The following CDH18 variants were observed in gnomAD, a reference collection of about 807,000 sequenced individuals.
The protein encoded by CDH18 is cadherin-18.
Under a neutral mutation model 67.9 loss-of-function variants are expected in CDH18, and 31 were observed. That is an observed-to-expected ratio of 0.46 (90% CI 0.34 to 0.62). CDH18 has a LOEUF of 0.62. Among genes scored for constraint, CDH18 ranks in the 20% least tolerant of loss-of-function variants. The pLI is 0.01. For missense variants in CDH18, 890 were observed against 975.5 expected, an observed-to-expected ratio of 0.91 and a Z score of 1.17; for synonymous variants, 362 against 347.2, an observed-to-expected ratio of 1.04 and a Z score of -0.48.
chr5:20,269,347 T>G (rs182166611), intron 1 of CDH18, among the ~76,000 whole-genome samples: 101 of 151,346 alleles, frequency 6.7e-4, no homozygotes, highest in African/African-American at 2.3e-3. Flanking sequence ...AAAATAGAAC[T>G]GCAATTCGAT....
At chr5:20,560,169 T>C (rs1353824822) in intron 1 of CDH18, among the ~76,000 whole-genome samples, 1 of 152,126 alleles carries the variant, frequency 6.6e-6, no homozygotes, top group African/African-American at 2.4e-5. Flanking sequence ...CACAGATTTC[T>C]GAGTTTCTTA....
chr5:20,024,632 A>G (rs1738728302), intron 2 of CDH18, among the ~76,000 whole-genome samples: 1 of 152,198 alleles, frequency 6.6e-6, no homozygotes, highest in Non-Finnish European at 1.5e-5. Flanking sequence ...GTTTGGAATG[A>G]CATGCACTAC....
At chr5:19,659,504 T>C (rs1290171545) in intron 5 of CDH18, among the ~76,000 whole-genome samples, 1 of 152,124 alleles carries the variant, frequency 6.6e-6, no homozygotes, top group Non-Finnish European at 1.5e-5. Context: ...TTAAACACTG[T>C]TGAAAGTATT....
intron 1 of CDH18, among the ~76,000 whole-genome samples, chr5:20,523,112 G>T (rs1256646072): frequency 6.6e-6 from 1 of 152,126 alleles, no homozygotes; most frequent in East Asian, 1.9e-4. Flanking sequence ...TTTCATCTTT[G>T]TGCATGATAG....
intron 5 of CDH18, among the ~76,000 whole-genome samples, chr5:19,697,698 G>T (rs1762713253): frequency 6.6e-6 from 1 of 152,140 alleles, no homozygotes; most frequent in African/African-American, 2.4e-5. Context: ...TGGAATAAGT[G>T]AATAAAAAAC....
intron 1 of CDH18, among the ~76,000 whole-genome samples, chr5:20,461,074 C>CCT (rs1751233244): frequency 6.6e-6 from 1 of 152,136 alleles, no homozygotes; most frequent in African/African-American, 2.4e-5. Context: ...TATCAATAGG[C>CCT]CCAGCATCTG....
At chr5:20,356,777 GCA>G (rs1741658468) in intron 1 of CDH18, among the ~76,000 whole-genome samples, 1 of 116,274 alleles carries the variant, frequency 8.6e-6, no homozygotes, top group Non-Finnish European at 1.9e-5. Context: ...ATATACACAT[GCA>G]CACACACATA....
chr5:20,076,441 C>T (rs1000854672), intron 2 of CDH18, among the ~76,000 whole-genome samples: 3 of 151,696 alleles, frequency 2.0e-5, no homozygotes, highest in African/African-American at 7.3e-5. Flanking sequence ...TCAATGTAAA[C>T]CTTGTAATGA....
At chr5:20,546,952 G>T (rs1356637873) in intron 1 of CDH18, among the ~76,000 whole-genome samples, 2 of 152,086 alleles carry the variant, frequency 1.3e-5, no homozygotes, top group African/African-American at 4.8e-5. Context: ...TTGATGGCTA[G>T]GTGTTATGAC....
At chr5:19,754,395 A>T (rs1412587229) in intron 3 of CDH18, among the ~76,000 whole-genome samples, 1 of 152,240 alleles carries the variant, frequency 6.6e-6, no homozygotes, top group Admixed American at 6.5e-5. Context: ...CTTTAAAACA[A>T]CAGCAGTTAA....
chr5:19,865,060 T>A (rs1309646787), intron 2 of CDH18, among the ~76,000 whole-genome samples: 1 of 152,170 alleles, frequency 6.6e-6, no homozygotes, highest in African/African-American at 2.4e-5. Context: ...AGACACCTTT[T>A]TACTTGTCTT....
At chr5:20,473,529 A>G (rs1752232121) in intron 1 of CDH18, among the ~76,000 whole-genome samples, 1 of 151,872 alleles carries the variant, frequency 6.6e-6, no homozygotes, top group Non-Finnish European at 1.5e-5. Flanking sequence ...TTACTATATT[A>G]TATATAATGT....
intron 2 of CDH18, among the ~76,000 whole-genome samples, chr5:19,841,336 G>A (rs960732912): frequency 6.6e-6 from 1 of 152,090 alleles, no homozygotes; most frequent in Non-Finnish European, 1.5e-5. Flanking sequence ...AAAATGGCAA[G>A]AGCATTGGAA....
intron 2 of CDH18, among the ~76,000 whole-genome samples, chr5:20,131,580 T>C (rs1335182494): frequency 6.6e-6 from 1 of 152,152 alleles, no homozygotes; most frequent in Non-Finnish European, 1.5e-5. Context: ...GTCTATTGTG[T>C]ATGTACATTT....
chr5:20,154,816 T>C (rs979890584), intron 2 of CDH18, among the ~76,000 whole-genome samples: 6 of 152,202 alleles, frequency 3.9e-5, no homozygotes, highest in African/African-American at 1.4e-4. Flanking sequence ...CCTGCTACAA[T>C]ATGGCCTCAT....
At chr5:19,821,944 C>A (rs145082823) in intron 3 of CDH18, among the ~76,000 whole-genome samples, 172 of 152,268 alleles carry the variant, frequency 1.1e-3, no homozygotes, top group South Asian at 2.1e-3. Context: ...ACCAGCCTTA[C>A]AAGAAATCCT....
intron 2 of CDH18, among the ~76,000 whole-genome samples, chr5:19,854,902 G>T: frequency 7.4e-6 from 1 of 134,386 alleles, no homozygotes. Context: ...TCCAGCCTCT[G>T]ATAACCATCA....
At chr5:19,926,741 A>C (rs778499416) in intron 2 of CDH18, among the ~76,000 whole-genome samples, 11 of 152,152 alleles carry the variant, frequency 7.2e-5, no homozygotes, top group Non-Finnish European at 1.0e-4. Context: ...TGCTACCCAA[A>C]TACAAATCAG....
intron 1 of CDH18, among the ~76,000 whole-genome samples, chr5:20,446,604 C>T (rs1750020757): frequency 6.6e-6 from 1 of 152,168 alleles, no homozygotes; most frequent in African/African-American, 2.4e-5. Context: ...GTTTATTTCT[C>T]CCTAATTATG....
Sources: gnomAD v4.1 joint callset for allele counts (sites outside exome capture counted in the v4.1 genomes callset) on GRCh38, gnomAD v4.1.1 for gene constraint, MANE v1.5 for transcripts, NCBI Gene and HGNC (gene_info 2026-07-23, HGNC 2026-07-21) for gene names.